Variants in MGP observed in about 807,000 individuals in gnomAD.
The protein encoded by MGP is matrix Gla protein.
In MGP, 13 loss-of-function variants were observed where a neutral mutation model predicts 14.5. The ratio of observed to expected loss-of-function variants is 0.89; its 90% CI spans 0.58 to 1.42. The LOEUF is 1.42. Ranked by LOEUF, MGP falls within the 40% of genes most tolerant of loss-of-function variation. MGP has a pLI of 0.00. For synonymous variants in MGP, 44 were observed against 46.3 expected (o/e 0.95, Z 0.20); for missense variants, 128 against 133.7 (o/e 0.96, Z 0.21).
Position 14,885,793 on chromosome 12 carries a change from G to GT in MGP, c.-3dup, listed in dbSNP as rs1565441661. ...GGCAAGAAGGATCAGGCTCTTCATG[G>GT]TTTCGTCCTGCAGGTCAGTCTCAGG... On this transcript the variant is annotated 5_prime_UTR_variant, in exon 1 of 4. Coordinates refer to ENST00000539261, the MANE Select transcript of MGP (RefSeq NM_000900.5). 1 of 1,613,664 alleles carries GT rather than the reference G, an allele frequency of 6.2e-7. No individual in the cohort carries two copies. Among genetic ancestry groups the GT allele is most frequent in the East Asian group, 2.2e-5 (1 of 44,874 alleles).
chr12:14,882,002 G>T lies in MGP; in HGVS notation c.*137C>A. 8.9e-7 allele frequency: 1 copy of T among 1,122,830 alleles called. No individual in the cohort carries two copies. The highest frequency in any genetic ancestry group is 1.3e-6 in the Non-Finnish European group (1 of 758,188). 69.6% of individuals were successfully genotyped at this position (1,122,830 alleles called of 1,614,324 possible). A position where few individuals can be genotyped will look rare whatever the true frequency, so the allele number is the denominator to read the frequency against. On this transcript the variant is annotated 3_prime_UTR_variant, in exon 4 of 4. Coordinates refer to ENST00000539261, the MANE Select transcript of MGP (RefSeq NM_000900.5). ...TATCAATCTGGGGGCGGGAAAAAGG[G>T]GTGCAGCCAGACAAGAGAATATACA...
Position 14,882,842 on chromosome 12 carries a change from T to A in MGP, c.170+130A>T. 5.6e-6 allele frequency: 4 copies of A among 713,402 alleles called. No individual in the cohort carries two copies. The South Asian group carries it at 6.3e-5, about 11-fold the overall frequency. The allele number at this position is 713,402 out of a possible 1,614,324, so 44.2% of individuals were successfully genotyped here. On this transcript the variant is annotated intron_variant, in intron 3 of 3. Transcript: ENST00000539261. The stretch of plus-strand genomic sequence containing the variant: ...TTCAGTTGTTTTCTGAATATTGCTT[T>A]TAAGTTTTTTGATTTTAAAGATACA...
intron 2 of MGP, chr12:14,883,804 A>AG (rs934531190): frequency 1.2e-5 from 2 of 168,610 alleles, no homozygotes; most frequent in African/African-American, 4.8e-5. Context: ...GTCTCAAAAA[A>AG]AAAAACAAGA....
intron 2 of MGP, chr12:14,883,798 CA>C (rs557009814): frequency 3.6e-3 from 554 of 151,956 alleles, no homozygotes; most frequent in South Asian, 0.01. Context: ...GACACTGTCT[CA>C]AAAAAAAAAA....
chr12:14,884,012 C>T, intron 2 of MGP: 1 of 421,920 alleles, frequency 2.4e-6, no homozygotes, highest in Non-Finnish European at 4.4e-6. Flanking sequence ...TAGCTTAAAT[C>T]CCATATTGCA....
At chr12:14,885,248 G>A (rs759111170) in intron 1 of MGP, among the ~76,000 whole-genome samples, 1 of 152,152 alleles carries the variant, frequency 6.6e-6, no homozygotes, top group Non-Finnish European at 1.5e-5. Context: ...TTCTTTTGAT[G>A]TAAAACTTTA....
chr12:14,885,117 CTT>C (rs1393640822), intron 1 of MGP, among the ~76,000 whole-genome samples: 1 of 152,064 alleles, frequency 6.6e-6, no homozygotes, highest in Non-Finnish European at 1.5e-5. Context: ...AAGTAAATAA[CTT>C]TGCTTCAGAT....
rs1025925842 is a variant in MGP at position 14,882,967 on chromosome 12, C to T, written c.170+5G>A. On this transcript the variant is annotated splice_donor_5th_base_variant and intron_variant, in intron 3 of 3. Coordinates refer to ENST00000539261, the MANE Select transcript of MGP (RefSeq NM_000900.5). ...GACCACTCCTCATGAAGTTTTGTTACTGACCTCTCTTGGACTTTAGCTCTC... is the reference window on the plus strand; with the variant it reads ...GACCACTCCTCATGAAGTTTTGTTATTGACCTCTCTTGGACTTTAGCTCTC... The T allele has an allele frequency of 6.2e-6, 10 of 1,604,248 alleles. No homozygotes were observed. The highest frequency in any genetic ancestry group is 8.5e-6 in the Non-Finnish European group (10 of 1,171,182).
chr12:14,881,259 G>T lies in MGP; in HGVS notation c.*880C>A, dbSNP rs528028202. On this transcript the variant is annotated 3_prime_UTR_variant, in exon 4 of 4. Coordinates refer to ENST00000539261, the MANE Select transcript of MGP (RefSeq NM_000900.5). ...TCACAGGCTGGAGTGCATTGGTATG[G>T]TCATGGCTACTGAGATTACAGGTGT... 6.6e-6 allele frequency: 1 copy of T among 152,262 alleles called. No individual in the cohort carries two copies. The highest frequency in any genetic ancestry group is 2.1e-4 in the South Asian group (1 of 4,822). The allele number at this position is 152,262 out of a possible 1,614,324, so 9.4% of individuals were successfully genotyped here.
chr12:14,883,805 A>G (rs1423706352), intron 2 of MGP: 1 of 168,694 alleles, frequency 5.9e-6, no homozygotes, highest in East Asian at 1.7e-4. Flanking sequence ...TCTCAAAAAA[A>G]AAAACAAGAA....
chr12:14,882,573 C>G (rs1349207137), intron 3 of MGP, among the ~76,000 whole-genome samples: 1 of 151,756 alleles, frequency 6.6e-6, no homozygotes, highest in East Asian at 1.9e-4. Flanking sequence ...TAGCACGTGC[C>G]TGTAATCCCA....
In MGP at chr12:14,881,963, G is replaced by A. The variant is rs935518014; in HGVS notation, c.*176C>T. 1 of 728,724 alleles carries A rather than the reference G, an allele frequency of 1.4e-6. No homozygotes were observed. Among genetic ancestry groups the A allele is most frequent in the South Asian group, 1.6e-5 (1 of 60,658 alleles). 45.1% of individuals were successfully genotyped at this position (728,724 alleles called of 1,614,324 possible). A position where few individuals can be genotyped will look rare whatever the true frequency, so the allele number is the denominator to read the frequency against. ...ACTCTCCTTTGACCCTCACTGCAGT[G>A]CACTTTCATTACTTATCAATCTGGG... On this transcript the variant is annotated 3_prime_UTR_variant, in exon 4 of 4. Transcript: ENST00000539261.
intron 3 of MGP, among the ~76,000 whole-genome samples, chr12:14,882,584 G>C (rs1863390570): frequency 2.0e-5 from 3 of 151,678 alleles, no homozygotes. Context: ...TGTAATCCCA[G>C]CTACTTGGGA....
At chr12:14,885,581 C>T (rs1336003242) in intron 1 of MGP, 150 bp downstream of exon 1, 11 of 712,636 alleles carry the variant, frequency 1.5e-5, no homozygotes, top group Non-Finnish European at 2.5e-5. Flanking sequence ...AGATCAGTTT[C>T]TGCGGAGACT....
At chr12:14,883,400 C>T (rs1219798760) in intron 2 of MGP, 5 of 328,324 alleles carry the variant, frequency 1.5e-5, no homozygotes, top group Admixed American at 8.1e-5. Flanking sequence ...ACTAGATTGC[C>T]GATACATGAA....
chr12:14,884,704 G>T, intron 1 of MGP: 2 of 842,290 alleles, frequency 2.4e-6, no homozygotes, highest in Non-Finnish European at 3.6e-6. Context: ...CAGGGCAGTT[G>T]CTCTGCTGGG....
Position 14,882,299 on chromosome 12 carries a change from G to A in MGP, c.171-19C>T. 1 of 1,613,760 alleles carries A rather than the reference G, an allele frequency of 6.2e-7. No homozygotes were observed. The highest frequency in any genetic ancestry group is 8.5e-7 in the Non-Finnish European group (1 of 1,179,866). On this transcript the variant is annotated intron_variant, in intron 3 of 3. Coordinates refer to ENST00000539261, the MANE Select transcript of MGP (RefSeq NM_000900.5). Reference sequence around the variant, plus strand: ...TCGGATCCTAGAAAGTGGAAGAAGAGGCCAAAATTGAGAAGGATAAAGTGG... The same window carrying A: ...TCGGATCCTAGAAAGTGGAAGAAGAAGCCAAAATTGAGAAGGATAAAGTGG...
At chr12:14,882,409 C>G (rs577790262) in intron 3 of MGP, 129 bp from the exon 4 acceptor site, 215 of 1,209,604 alleles carry the variant, frequency 1.8e-4, no homozygotes, top group Middle Eastern at 8.8e-4. Flanking sequence ...ATTTAAAGAA[C>G]AGGGAGAGGC....
In MGP at chr12:14,881,420, T is replaced by G. The variant is rs1162520304; in HGVS notation, c.*719A>C. 6.6e-6 allele frequency: 1 copy of G among 152,224 alleles called. No homozygotes were observed. The highest frequency in any genetic ancestry group is 6.5e-5 in the Admixed American group (1 of 15,276). 9.4% of individuals were successfully genotyped at this position (152,224 alleles called of 1,614,324 possible). ...TGTAGAAGTAAAAATATAACATAAG[T>G]AGAAGTAAAAAATAATTGGATTGTT... On this transcript the variant is annotated 3_prime_UTR_variant, in exon 4 of 4. Transcript: ENST00000539261.
Sources: gnomAD v4.1 joint callset for allele counts (sites outside exome capture counted in the v4.1 genomes callset) on GRCh38, gnomAD v4.1.1 for gene constraint, MANE v1.5 for transcripts, NCBI Gene and HGNC (gene_info 2026-07-23, HGNC 2026-07-21) for gene names.